USP31: variants seen among roughly 807,000 people sequenced by gnomAD.
The protein encoded by USP31 is ubiquitin carboxyl-terminal hydrolase 31.
USP31 carries 44 observed loss-of-function variants against 119.4 expected under a neutral mutation model. The observed-to-expected ratio is 0.37, with a 90% CI of 0.29 to 0.47. USP31 has a LOEUF of 0.47. Among genes scored for constraint, USP31 ranks in the 20% least tolerant of loss-of-function variants. The pLI, the probability that USP31 is intolerant of heterozygous loss-of-function variation, is 0.99. For synonymous variants in USP31, 749 were observed against 705.6 expected (o/e 1.06, Z -0.97); for missense variants, 1,643 against 1,730.2 (o/e 0.95, Z 0.89).
intron 6 of USP31, among the ~76,000 whole-genome samples, chr16:23,092,476 A>C (rs978104889): frequency 4.6e-5 from 7 of 152,204 alleles, no homozygotes; most frequent in Non-Finnish European, 1.0e-4. Flanking sequence ...GAAGAAAACA[A>C]ATCATTTCCA....
In USP31 at chr16:23,085,238, A is replaced by T. The variant is rs115732183; in HGVS notation, c.1701-249T>A. Among the ~76,000 whole-genome samples the T allele has an allele frequency of 4.0e-3, 609 of 152,342 alleles. 7 individuals are homozygous for T. Among genetic ancestry groups the T allele is most frequent in the African/African-American group, 0.013 (554 of 41,578 alleles). On this transcript the variant is annotated intron_variant, in intron 10 of 15. Transcript: ENST00000219689. Reference sequence around the variant, plus strand: ...TTTGGCCATGAACTGTACTGGTTAAACCACATATTCCTGTCCTTTACATCT... The same window carrying T: ...TTTGGCCATGAACTGTACTGGTTAATCCACATATTCCTGTCCTTTACATCT...
chr16:23,068,078 T>C lies in USP31; in HGVS notation c.4027A>G (p.Thr1343Ala), dbSNP rs1430463009. The change falls in exon 16 of 16, where the codon ACC becomes GCC. Residue 1343 changes from threonine to alanine, a missense_variant. Physicochemically the swap from Thr to Ala is moderately conservative, Grantham distance 58. Transcript: ENST00000219689. The stretch of plus-strand genomic sequence containing the variant: ...GGTTTTTGAGAAGGCCGTGCAGAGG[T>C]TTGCATGCTAGAAGATAACTTTTTT... ...SSKKLSSSMQ[T>A]SARPSQKPQ is the part of the protein sequence containing the mutation. 2.3e-5 allele frequency: 37 copies of C among 1,613,862 alleles called. No homozygotes were observed. The highest frequency in any genetic ancestry group is 3.1e-5 in the Non-Finnish European group (37 of 1,179,928).
intron 1 of USP31, among the ~76,000 whole-genome samples, chr16:23,148,418 T>C (rs1027174521): frequency 2.6e-5 from 4 of 152,192 alleles, no homozygotes; most frequent in East Asian, 3.8e-4. Flanking sequence ...GGCACGTATG[T>C]AGTAAGTTCT....
At chr16:23,110,015 G>A (rs1443332481) in intron 1 of USP31, among the ~76,000 whole-genome samples, 3 of 152,078 alleles carry the variant, frequency 2.0e-5, no homozygotes, top group Non-Finnish European at 4.4e-5. Context: ...GAGACTAACT[G>A]GGGAAACCTG....
At position 23,106,578 on chromosome 16, in the gene USP31, C is replaced by G. The variant is rs562154544; in HGVS notation, c.772-91G>C. The stretch of plus-strand genomic sequence containing the variant: ...AGAGAATCACATATGATCTTGACTT[C>G]CTTTACAAGCTATGCATCAAGTGCA... On this transcript the variant is annotated intron_variant, in intron 2 of 15. Transcript: ENST00000219689. 6.7e-4 allele frequency: 859 copies of G among 1,282,126 alleles called. 14 individuals carry two copies. In the South Asian group the frequency reaches 0.011, roughly 16 times the overall value. The allele number at this position is 1,282,126 out of a possible 1,614,324, so 79.4% of individuals were successfully genotyped here. A position where few individuals can be genotyped will look rare whatever the true frequency, so the allele number is the denominator to read the frequency against.
At chr16:23,125,463 G>T (rs1902823002) in intron 1 of USP31, among the ~76,000 whole-genome samples, 1 of 152,152 alleles carries the variant, frequency 6.6e-6, no homozygotes, top group African/African-American at 2.4e-5. Flanking sequence ...AGCCTGAAGG[G>T]TAACTAACCC....
chr16:23,071,112 C>G (rs1900325621), intron 15 of USP31, among the ~76,000 whole-genome samples: 1 of 152,150 alleles, frequency 6.6e-6, no homozygotes, highest in African/African-American at 2.4e-5. Flanking sequence ...GAATTGCAGT[C>G]CAATGTTTTT....
intron 1 of USP31, among the ~76,000 whole-genome samples, chr16:23,116,140 T>C (rs561223736): frequency 9.8e-5 from 15 of 152,338 alleles, no homozygotes; most frequent in East Asian, 1.9e-4. Context: ...AACCCAATCA[T>C]TGCCCACTTT....
At chr16:23,099,894 A>G (rs1901773788) in intron 6 of USP31, among the ~76,000 whole-genome samples, 1 of 152,252 alleles carries the variant, frequency 6.6e-6, no homozygotes, top group Admixed American at 6.5e-5. Context: ...TTTTCCAAAT[A>G]TGATATACAA....
At chr16:23,076,808 G>T (rs1900592627) in intron 13 of USP31, among the ~76,000 whole-genome samples, 1 of 152,224 alleles carries the variant, frequency 6.6e-6, no homozygotes. Flanking sequence ...AGCTGAGCTG[G>T]TGAACGCCAA....
chr16:23,071,283 G>C (rs182903108), intron 15 of USP31, among the ~76,000 whole-genome samples: 113 of 152,172 alleles, frequency 7.4e-4, no homozygotes, highest in Non-Finnish European at 1.4e-3. Context: ...GCAGATTACA[G>C]TGATCGAAAT....
At chr16:23,101,223 A>G (rs1246551040) in intron 6 of USP31, among the ~76,000 whole-genome samples, 1 of 152,200 alleles carries the variant, frequency 6.6e-6, no homozygotes, top group Non-Finnish European at 1.5e-5. Context: ...GTGGCAGTAG[A>G]ATAAAGGGGA....
At chr16:23,145,752 C>A (rs1567251103) in intron 1 of USP31, among the ~76,000 whole-genome samples, 1 of 152,190 alleles carries the variant, frequency 6.6e-6, no homozygotes, top group African/African-American at 2.4e-5. Context: ...AACCATAGAA[C>A]CATCCACCTC....
intron 1 of USP31, among the ~76,000 whole-genome samples, chr16:23,113,883 T>C (rs1902401745): frequency 6.6e-6 from 1 of 152,154 alleles, no homozygotes; most frequent in African/African-American, 2.4e-5. Flanking sequence ...GGCGGGTGGA[T>C]GACCTGAGGT....
intron 1 of USP31, among the ~76,000 whole-genome samples, chr16:23,131,766 G>C (rs113795097): frequency 6.6e-6 from 1 of 151,990 alleles, no homozygotes; most frequent in Non-Finnish European, 1.5e-5. Flanking sequence ...ACAAATAAGC[G>C]GCATTTCCAT....
chr16:23,076,431 G>A (rs910114020), intron 13 of USP31, among the ~76,000 whole-genome samples: 10 of 152,234 alleles, frequency 6.6e-5, no homozygotes, highest in African/African-American at 2.4e-4. Flanking sequence ...CATGAGAAAG[G>A]GGAAATAATA....
chr16:23,146,636 C>T (rs1487312945), intron 1 of USP31, among the ~76,000 whole-genome samples: 1 of 152,072 alleles, frequency 6.6e-6, no homozygotes, highest in Non-Finnish European at 1.5e-5. Flanking sequence ...CAAACAGCAA[C>T]GATTTTTTTC....
rs566833932 is a variant in USP31 at position 23,079,726 on chromosome 16, A to C, written c.2176+220T>G. The C allele has an allele frequency of 3.6e-5, 17 of 472,416 alleles. No homozygotes were observed. The East Asian group carries it at 5.8e-4, about 16-fold the overall frequency. The allele number at this position is 472,416 out of a possible 1,614,324, so 29.3% of individuals were successfully genotyped here. A position where few individuals can be genotyped will look rare whatever the true frequency, so the allele number is the denominator to read the frequency against. On this transcript the variant is annotated intron_variant, in intron 13 of 15. Coordinates refer to ENST00000219689, the MANE Select transcript of USP31 (RefSeq NM_020718.4). ...ATGCCATCTGCACATACCACTCCCC[A>C]ATCAGTCAGCTACCTACTGGACGAC... is the stretch of plus-strand genomic sequence containing the variant.
chr16:23,119,030 T>C (rs1902584162), intron 1 of USP31, among the ~76,000 whole-genome samples: 2 of 152,014 alleles, frequency 1.3e-5, no homozygotes, highest in Non-Finnish European at 2.9e-5. Context: ...CTATGCTGTA[T>C]TCTTATTTAT....
Sources: gnomAD v4.1 joint callset for allele counts (sites outside exome capture counted in the v4.1 genomes callset) on GRCh38, gnomAD v4.1.1 for gene constraint, MANE v1.5 for transcripts, NCBI Gene and HGNC (gene_info 2026-07-23, HGNC 2026-07-21) for gene names.